Variants in H3-7 observed in about 807,000 individuals in gnomAD.
H3-7 encodes the protein H3.7 histone (putative).
the H3-7 span, chr1:143,905,582 T>G: frequency 8.2e-6 from 13 of 1,581,960 alleles, 2 homozygotes; most frequent in South Asian, 1.1e-5. Context: ...CGGATGCGGC[T>G]GACCAACTGG....
At chr1:143,905,835 G>A in the H3-7 span, 89 of 1,582,016 alleles carry the variant, frequency 5.6e-5, 9 homozygotes, top group African/African-American at 1.9e-4. Flanking sequence ...CCACGGTGCC[G>A]GGCCGGTAGC....
the H3-7 span, chr1:143,905,941 C>CG: frequency 1.3e-6 from 2 of 1,580,058 alleles, 1 homozygote. Context: ...GGTCGACTTG[C>CG]GGGCAGTCTG....
the H3-7 span, among the ~76,000 whole-genome samples, chr1:143,903,097 C>T: frequency 7.2e-6 from 1 of 138,184 alleles, no homozygotes; most frequent in Non-Finnish European, 1.6e-5. Flanking sequence ...GAGGCTGAGG[C>T]AGGAGAATGG....
chr1:143,905,441 C>T, the H3-7 span: 1 of 869,450 alleles, frequency 1.2e-6, no homozygotes, highest in Non-Finnish European at 1.8e-6. Context: ...GCCCCTGGCC[C>T]CTGACCGCTG....
At chr1:143,905,800 T>C in the H3-7 span, 1 of 1,582,038 alleles carries the variant, frequency 6.3e-7, no homozygotes, top group African/African-American at 1.3e-5. Flanking sequence ...CGTAGACTTC[T>C]GATAGCGCCG....
chr1:143,905,761 T>C, the H3-7 span: 1 of 1,582,010 alleles, frequency 6.3e-7, no homozygotes, highest in Non-Finnish European at 8.7e-7. Context: ...TACCAGCCGC[T>C]GGAAGGGCAG....
At chr1:143,904,276 G>A in the H3-7 span, 14 of 1,586,312 alleles carry the variant, frequency 8.8e-6, 2 homozygotes, top group Middle Eastern at 1.0e-3. Flanking sequence ...GACACGGCGT[G>A]CTTGGCCAGC....
chr1:143,904,708 G>A, the H3-7 span: 11 of 1,234,412 alleles, frequency 8.9e-6, 1 homozygote, highest in African/African-American at 3.0e-5. Flanking sequence ...ATGAAGACTC[G>A]CAAAGTGCTG....
At chr1:143,905,712 G>A in the H3-7 span, 1 of 1,582,550 alleles carries the variant, frequency 6.3e-7, no homozygotes, top group Non-Finnish European at 8.7e-7. Context: ...CCGAGCTCTG[G>A]AAGCGCAGGT....
At chr1:143,905,942 G>A in the H3-7 span, 21 of 1,580,084 alleles carry the variant, frequency 1.3e-5, 5 homozygotes, top group South Asian at 2.3e-5. Context: ...GTCGACTTGC[G>A]GGCAGTCTGC....
the H3-7 span, chr1:143,904,757 G>C: frequency 1.4e-6 from 1 of 727,380 alleles, no homozygotes. Context: ...TCGTCAGAGG[G>C]GGTGGAGTCT....
At chr1:143,903,284 C>T in the H3-7 span, among the ~76,000 whole-genome samples, 2 of 103,554 alleles carry the variant, frequency 1.9e-5, no homozygotes, top group Non-Finnish European at 4.0e-5. Flanking sequence ...GAAGTATTTT[C>T]CTGTGGAGAA....
chr1:143,905,607 G>C, the H3-7 span: 33 of 1,582,382 alleles, frequency 2.1e-5, 1 homozygote, highest in Non-Finnish European at 2.8e-5. Flanking sequence ...CCTTGGGCAT[G>C]ATGGTCACGC....
At chr1:143,904,667 G>T in the H3-7 span, 1 of 1,520,854 alleles carries the variant, frequency 6.6e-7, no homozygotes, top group Non-Finnish European at 9.1e-7. Context: ...AAACGGGCTG[G>T]TTATGCGCTA....
At chr1:143,905,753 C>T in the H3-7 span, 1 of 1,582,042 alleles carries the variant, frequency 6.3e-7, no homozygotes, top group African/African-American at 1.3e-5. Flanking sequence ...ATCTCGCGTA[C>T]CAGCCGCTGG....
chr1:143,905,909 G>C, the H3-7 span: 5 of 1,580,100 alleles, frequency 3.2e-6, no homozygotes, highest in Admixed American at 1.7e-5. Context: ...GTAGCCAGCT[G>C]CTTCCTCGGG....
the H3-7 span, chr1:143,905,526 G>C: frequency 2.0e-6 from 3 of 1,483,468 alleles, no homozygotes; most frequent in Non-Finnish European, 2.8e-6. Context: ...TCTGAAAAGA[G>C]CCTTTAGATC....
At chr1:143,905,600 T>C in the H3-7 span, 2 of 1,582,302 alleles carry the variant, frequency 1.3e-6, no homozygotes, top group Non-Finnish European at 8.7e-7. Context: ...TGGATGTCCT[T>C]GGGCATGATG....
At chr1:143,904,503 C>T in the H3-7 span, 9 of 1,605,090 alleles carry the variant, frequency 5.6e-6, no homozygotes, top group South Asian at 1.1e-5. Flanking sequence ...GCTCTCCTTG[C>T]GGCTGCGCTT....
Sources: gnomAD v4.1 joint callset for allele counts (sites outside exome capture counted in the v4.1 genomes callset) on GRCh38, gnomAD v4.1.1 for gene constraint, MANE v1.5 for transcripts, NCBI Gene and HGNC (gene_info 2026-07-23, HGNC 2026-07-21) for gene names.